The following PDE10A variants were observed in gnomAD, a reference collection of about 807,000 sequenced individuals.
PDE10A encodes the protein phosphodiesterase 10A.
In PDE10A, 39 loss-of-function variants were observed where a neutral mutation model predicts 97.7. The observed-to-expected ratio is 0.40, with a 90% CI of 0.31 to 0.52. The LOEUF (loss-of-function observed/expected upper bound fraction) is 0.52, where lower values mean the gene tolerates loss of function less well. Among genes scored for constraint, PDE10A ranks in the 20% least tolerant of loss-of-function variants. PDE10A has a pLI of 0.56. For synonymous variants in PDE10A, 371 were observed against 376.8 expected (o/e 0.98, Z 0.18); for missense variants, 731 against 1,047.8 (o/e 0.70, Z 4.17).
intron 1 of PDE10A, among the ~76,000 whole-genome samples, chr6:165,857,612 GAGAAGCT>G (rs1339004202): frequency 2.5e-3 from 20 of 8,074 alleles, no homozygotes; most frequent in Admixed American, 3.9e-3. Context: ...TGCAGAAGCT[GAGAAGCT>G]GAGGACAAGG....
At chr6:165,535,220 T>C (rs1273223590) in intron 2 of PDE10A, among the ~76,000 whole-genome samples, 2 of 151,268 alleles carry the variant, frequency 1.3e-5, no homozygotes, top group Non-Finnish European at 3.0e-5. Flanking sequence ...CCCGGGAATC[T>C]GCCTTTTAAA....
chr6:165,583,507 C>A (rs1785731734), intron 1 of PDE10A, among the ~76,000 whole-genome samples: 1 of 152,104 alleles, frequency 6.6e-6, no homozygotes, highest in Non-Finnish European at 1.5e-5. Context: ...CCAAGTGAGC[C>A]CTAAATGATA....
At chr6:165,683,428 A>G (rs1167786418) in intron 1 of PDE10A, among the ~76,000 whole-genome samples, 1 of 152,196 alleles carries the variant, frequency 6.6e-6, no homozygotes, top group African/African-American at 2.4e-5. Flanking sequence ...AAGCACACAC[A>G]CACACGCGCT....
At chr6:165,533,960 G>A (rs1782931358) in intron 2 of PDE10A, among the ~76,000 whole-genome samples, 1 of 151,922 alleles carries the variant, frequency 6.6e-6, no homozygotes, top group Non-Finnish European at 1.5e-5. Flanking sequence ...GTGGATCCTT[G>A]GTCAAAAGGC....
intron 1 of PDE10A, among the ~76,000 whole-genome samples, chr6:165,958,036 G>C (rs1234029759): frequency 6.6e-6 from 1 of 152,176 alleles, no homozygotes; most frequent in African/African-American, 2.4e-5. Flanking sequence ...CATTCCAGGA[G>C]AAAATTATTG....
intron 2 of PDE10A, among the ~76,000 whole-genome samples, chr6:165,515,020 T>G (rs1457094528): frequency 6.6e-6 from 1 of 152,166 alleles, no homozygotes; most frequent in Non-Finnish European, 1.5e-5. Context: ...AGAGCAGCAA[T>G]TTTCAATGTG....
intron 1 of PDE10A, chr6:165,775,009 G>A (rs1413363647): frequency 6.6e-6 from 1 of 152,070 alleles, no homozygotes; most frequent in African/African-American, 2.4e-5. Flanking sequence ...GTTTGGAAGA[G>A]AACCATCAGG....
At chr6:165,978,978 TAAC>T (rs1369612826) in intron 1 of PDE10A, among the ~76,000 whole-genome samples, 1 of 152,186 alleles carries the variant, frequency 6.6e-6, no homozygotes, top group East Asian at 1.9e-4. Flanking sequence ...AAAGAAAATG[TAAC>T]AACATGTTTG....
intron 1 of PDE10A, among the ~76,000 whole-genome samples, chr6:165,845,453 G>A (rs899263154): frequency 6.6e-6 from 1 of 152,152 alleles, no homozygotes; most frequent in Non-Finnish European, 1.5e-5. Flanking sequence ...GCAGTTCACA[G>A]GACAGAACTC....
chr6:165,624,150 C>A (rs1788276667), intron 1 of PDE10A, among the ~76,000 whole-genome samples: 1 of 152,234 alleles, frequency 6.6e-6, no homozygotes. Flanking sequence ...CATATCCATC[C>A]ACCTCTCACA....
intron 10 of PDE10A, among the ~76,000 whole-genome samples, 156 bp downstream of exon 10, chr6:165,428,502 C>T (rs1023657090): frequency 2.6e-5 from 4 of 152,172 alleles, no homozygotes; most frequent in African/African-American, 9.6e-5. Flanking sequence ...CCAAAATTAA[C>T]GCAAGTGACA....
intron 5 of PDE10A, among the ~76,000 whole-genome samples, chr6:165,437,338 C>T (rs372334225): frequency 2.0e-5 from 3 of 152,000 alleles, no homozygotes; most frequent in Non-Finnish European, 2.9e-5. Flanking sequence ...CTATCTTATA[C>T]ATTCCTACAT....
At chr6:165,928,942 C>T (rs779653806) in intron 1 of PDE10A, among the ~76,000 whole-genome samples, 5 of 152,166 alleles carry the variant, frequency 3.3e-5, no homozygotes, top group African/African-American at 4.8e-5. Flanking sequence ...AGACGAAGAA[C>T]TAAACCATGG....
intron 5 of PDE10A, among the ~76,000 whole-genome samples, chr6:165,447,140 G>C (rs909175351): frequency 8.5e-5 from 13 of 152,060 alleles, no homozygotes; most frequent in African/African-American, 3.1e-4. Context: ...TTAAGAATGT[G>C]GGTTTTGTAA....
chr6:165,944,572 G>A (rs1445470505), intron 1 of PDE10A, among the ~76,000 whole-genome samples: 1 of 152,052 alleles, frequency 6.6e-6, no homozygotes, highest in Non-Finnish European at 1.5e-5. Context: ...ATTTTTATTG[G>A]GTTCCTCATC....
chr6:165,659,303 A>C (rs997563503), intron 1 of PDE10A, among the ~76,000 whole-genome samples: 6 of 152,272 alleles, frequency 3.9e-5, no homozygotes, highest in Non-Finnish European at 7.3e-5. Flanking sequence ...AATGACACTC[A>C]ACAATTAGAC....
At chr6:165,436,158 A>C (rs1354307421) in intron 5 of PDE10A, among the ~76,000 whole-genome samples, 1 of 152,182 alleles carries the variant, frequency 6.6e-6, no homozygotes, top group Non-Finnish European at 1.5e-5. Context: ...TTATCTACAA[A>C]ATTTGAAAAT....
chr6:165,961,448 T>G (rs1465078696), intron 1 of PDE10A, among the ~76,000 whole-genome samples: 1 of 152,318 alleles, frequency 6.6e-6, no homozygotes, highest in Middle Eastern at 3.4e-3. Flanking sequence ...TTCATTACCA[T>G]GAGGTGGCGA....
intron 1 of PDE10A, among the ~76,000 whole-genome samples, chr6:165,826,489 C>CTCTGTCCCTGTGTCCT (rs1779754829): frequency 6.6e-6 from 1 of 151,960 alleles, no homozygotes; most frequent in Non-Finnish European, 1.5e-5. Flanking sequence ...CCCCACGTCC[C>CTCTGTCCCTGTGTCCT]TCTGTCCCTG....
Sources: gnomAD v4.1 joint callset for allele counts (sites outside exome capture counted in the v4.1 genomes callset) on GRCh38, gnomAD v4.1.1 for gene constraint, MANE v1.5 for transcripts, NCBI Gene and HGNC (gene_info 2026-07-23, HGNC 2026-07-21) for gene names.